The following HSD17B4 variants were observed in gnomAD, a reference collection of about 807,000 sequenced individuals.
The protein encoded by HSD17B4 is peroxisomal multifunctional enzyme type 2.
In HSD17B4, 70 loss-of-function variants were observed where a neutral mutation model predicts 101.0. That is an observed-to-expected ratio of 0.69 (90% CI 0.57 to 0.85). HSD17B4 has a LOEUF of 0.85. Ranked by LOEUF, HSD17B4 falls within the 40% of genes least tolerant of loss-of-function variation. The pLI, the probability that HSD17B4 is intolerant of heterozygous loss-of-function variation, is 0.00. For synonymous variants in HSD17B4, 347 were observed against 297.1 expected, an observed-to-expected ratio of 1.17 and a Z score of -1.73; for missense variants, 984 against 892.4, an observed-to-expected ratio of 1.10 and a Z score of -1.31.
chr5:119,515,316 A>G (rs1752520113), intron 17 of HSD17B4, among the ~76,000 whole-genome samples: 1 of 152,224 alleles, frequency 6.6e-6, no homozygotes, highest in Middle Eastern at 3.4e-3. Flanking sequence ...TTGGTAATGG[A>G]GTGCTTTCTT....
At chr5:119,530,399 A>C (rs2636962) in intron 21 of HSD17B4, among the ~76,000 whole-genome samples, 95,309 of 151,834 alleles carry the variant, frequency 0.63, 30,501 homozygotes, top group East Asian at 0.92. Context: ...ACATTGTATT[A>C]TTTATTAGCA....
At position 119,526,008 on chromosome 5, in the gene HSD17B4, A is replaced by G. The variant is rs1255224342; in HGVS notation, c.1665A>G (p.Arg555=). The part of the protein sequence containing the change: ...LQQFADNDVS[R]FKAIKARFAK... ...AGTTTGCAGATAATGATGTGTCAAG[A>G]TTCAAGGCAATTAAGGTAAATGTGT... The change falls in exon 19 of 24, where the codon AGA becomes AGG. Residue 555 remains arginine (R), a synonymous_variant. Transcript: ENST00000510025. The G allele has an allele frequency of 3.2e-6, 5 of 1,583,884 alleles. No homozygotes were observed. In the East Asian group the frequency reaches 9.0e-5, roughly 28 times the overall value.
intron 14 of HSD17B4, among the ~76,000 whole-genome samples, chr5:119,502,427 C>T (rs1209493050): frequency 6.6e-6 from 1 of 151,988 alleles, no homozygotes; most frequent in African/African-American, 2.4e-5. Context: ...GTTCTTTTCT[C>T]AGGTATTTAT....
chr5:119,542,206 A>G lies in HSD17B4; in HGVS notation c.*212A>G. On this transcript the variant is annotated 3_prime_UTR_variant, in exon 24 of 24. Transcript: ENST00000510025. ...ACTATATATAAGCTAGCACATAATT[A>G]TCCTTCTGTTCTTAGATCTGTATCT... The G allele has an allele frequency of 2.1e-6, 1 of 485,218 alleles. No homozygotes were observed. The highest frequency in any genetic ancestry group is 2.4e-5 in the South Asian group (1 of 42,292). The allele number at this position is 485,218 out of a possible 1,614,324, so 30.1% of individuals were successfully genotyped here. A position where few individuals can be genotyped will look rare whatever the true frequency, so the allele number is the denominator to read the frequency against.
Position 119,528,491 on chromosome 5 carries a change from C to T in HSD17B4, c.1767+1272C>T, listed in dbSNP as rs965626180. On this transcript the variant is annotated intron_variant, in intron 20 of 23. Transcript: ENST00000510025. ...TTAGAGACAGTCTCTTACTATTCCC[C>T]ACTTTCCTACCCATAGATACACTCA... Among the ~76,000 whole-genome samples, 9 of 152,164 alleles carry T rather than the reference C, an allele frequency of 5.9e-5. 1 individual carries two copies. The highest frequency in any genetic ancestry group is 5.2e-4 in the Admixed American group (8 of 15,264).
chr5:119,526,819 C>T (rs1753642616), intron 19 of HSD17B4, among the ~76,000 whole-genome samples: 1 of 151,894 alleles, frequency 6.6e-6, no homozygotes, highest in Non-Finnish European at 1.5e-5. Flanking sequence ...TTAACTGTTT[C>T]TTTAAGTTGT....
intron 9 of HSD17B4, among the ~76,000 whole-genome samples, chr5:119,491,115 A>T (rs565880971): frequency 6.6e-6 from 1 of 152,260 alleles, no homozygotes; most frequent in South Asian, 2.1e-4. Flanking sequence ...TTTTTGGCTC[A>T]GCTGGAGCAA....
chr5:119,476,133 T>C (rs954014454), intron 6 of HSD17B4, among the ~76,000 whole-genome samples: 1 of 152,194 alleles, frequency 6.6e-6, no homozygotes, highest in Non-Finnish European at 1.5e-5. Context: ...CCCTCTCCCC[T>C]TTTTTTCTCC....
At chr5:119,476,271 A>G (rs939504161) in intron 6 of HSD17B4, among the ~76,000 whole-genome samples, 1 of 152,216 alleles carries the variant, frequency 6.6e-6, no homozygotes, top group African/African-American at 2.4e-5. Context: ...ACTAAAAATG[A>G]TGGAGATTTT....
chr5:119,460,632 T>C (rs1755132643), intron 2 of HSD17B4, among the ~76,000 whole-genome samples: 2 of 151,906 alleles, frequency 1.3e-5, no homozygotes, highest in South Asian at 4.2e-4. Context: ...TCATCTAACA[T>C]GTATTTATTA....
intron 23 of HSD17B4, among the ~76,000 whole-genome samples, chr5:119,538,056 A>T (rs1003174152): frequency 1.3e-5 from 2 of 152,128 alleles, no homozygotes; most frequent in African/African-American, 2.4e-5. Context: ...TGAGCTCCAC[A>T]GTGAGAGAAC....
At chr5:119,532,522 T>G in intron 22 of HSD17B4, among the ~76,000 whole-genome samples, 1 of 152,094 alleles carries the variant, frequency 6.6e-6, no homozygotes, top group Admixed American at 6.6e-5. Context: ...TAAAATAATG[T>G]TTATTGTATG....
At chr5:119,474,351 C>G (rs1214011339) in intron 3 of HSD17B4, 50 bp from the exon 4 acceptor site, 1 of 1,151,518 alleles carries the variant, frequency 8.7e-7, no homozygotes, top group Admixed American at 1.7e-5. Flanking sequence ...TTTAGAAGTC[C>G]TTTGGAAGGG....
chr5:119,478,929 C>A lies in HSD17B4; in HGVS notation c.530C>A (p.Ser177Tyr). 6.2e-7 allele frequency: 1 copy of A among 1,613,474 alleles called. No individual in the cohort carries two copies. The highest frequency in any genetic ancestry group is 8.5e-7 in the Non-Finnish European group (1 of 1,179,516). The change falls in exon 8 of 24, where the codon TCT becomes TAT. Residue 177 changes from serine (S) to tyrosine (Y), a missense_variant. Physicochemically the swap from Ser to Tyr is moderately radical, Grantham distance 144. Transcript: ENST00000510025. ...TTGGGTCTTCTGGGCCTTGCAAATTCTCTTGCAATTGAAGGCAGGAAAAGC... is the reference window on the plus strand; with the variant it reads ...TTGGGTCTTCTGGGCCTTGCAAATTATCTTGCAATTGAAGGCAGGAAAAGC... The part of the protein sequence containing the change: ...AKLGLLGLAN[S>Y]LAIEGRKSNI...
chr5:119,455,648 A>G (rs1029740409), intron 1 of HSD17B4, among the ~76,000 whole-genome samples: 3 of 151,538 alleles, frequency 2.0e-5, no homozygotes, highest in African/African-American at 7.3e-5. Flanking sequence ...TATTTTCTGT[A>G]TTTGATGACT....
chr5:119,524,167 A>G (rs1398141932), intron 17 of HSD17B4, among the ~76,000 whole-genome samples: 1 of 152,148 alleles, frequency 6.6e-6, no homozygotes, highest in African/African-American at 2.4e-5. Context: ...CATGTAAAGG[A>G]AAGAATATTG....
chr5:119,499,126 A>G (rs1036738424), intron 12 of HSD17B4, among the ~76,000 whole-genome samples, 191 bp from the exon 13 acceptor site: 24 of 152,138 alleles, frequency 1.6e-4, no homozygotes, highest in African/African-American at 4.8e-4. Context: ...CTTAACTGTA[A>G]ATGAAGTCCT....
chr5:119,495,413 G>A (rs936585349), intron 11 of HSD17B4, among the ~76,000 whole-genome samples: 1 of 152,222 alleles, frequency 6.6e-6, no homozygotes, highest in Non-Finnish European at 1.5e-5. Context: ...TGACTTTCCA[G>A]AGCATCTCTT....
At chr5:119,514,091 C>G (rs1208126324) in intron 16 of HSD17B4, among the ~76,000 whole-genome samples, 1 of 152,096 alleles carries the variant, frequency 6.6e-6, no homozygotes, top group Non-Finnish European at 1.5e-5. Context: ...TAAATAAAAC[C>G]TGCAAAATAC....
Sources: gnomAD v4.1 joint callset for allele counts (sites outside exome capture counted in the v4.1 genomes callset) on GRCh38, gnomAD v4.1.1 for gene constraint, MANE v1.5 for transcripts, NCBI Gene and HGNC (gene_info 2026-07-23, HGNC 2026-07-21) for gene names.